Variants in LRRTM4 observed in about 807,000 individuals in gnomAD.
LRRTM4 encodes leucine rich repeat transmembrane neuronal 4, also known as leucine-rich repeat transmembrane neuronal protein 4.
A neutral mutation model predicts 47.6 loss-of-function variants in LRRTM4; 25 were observed. The ratio of observed to expected loss-of-function variants is 0.53; its 90% CI spans 0.38 to 0.73. The LOEUF (loss-of-function observed/expected upper bound fraction) is 0.73. LRRTM4 is among the 30% of genes least tolerant of loss of function. The probability of loss-of-function intolerance (pLI) is 0.00; values close to 1 mark genes in which losing one functional copy is unlikely to be tolerated. For synonymous variants in LRRTM4, 311 were observed against 269.5 expected (o/e 1.15, Z -1.51); for missense variants, 638 against 713.4 (o/e 0.89, Z 1.20).
At chr2:77,177,772 C>T (rs1043809574) in intron 3 of LRRTM4, among the ~76,000 whole-genome samples, 1 of 152,200 alleles carries the variant, frequency 6.6e-6, no homozygotes, top group East Asian at 1.9e-4. Flanking sequence ...GCTAAATTAG[C>T]TGCAACACTT....
intron 3 of LRRTM4, among the ~76,000 whole-genome samples, chr2:77,224,783 C>T (rs71420993): frequency 0.057 from 8,645 of 152,132 alleles, 309 homozygotes; most frequent in Non-Finnish European, 0.09. Flanking sequence ...ACTAGTTCAA[C>T]CATTGTGGAA....
intron 3 of LRRTM4, among the ~76,000 whole-genome samples, chr2:76,771,355 G>A (rs1365677878): frequency 2.6e-5 from 4 of 152,100 alleles, no homozygotes; most frequent in Non-Finnish European, 4.4e-5. Flanking sequence ...ATAGAAGAAA[G>A]AAAACAATGG....
chr2:77,397,171 A>T (rs913667182), intron 3 of LRRTM4, among the ~76,000 whole-genome samples: 1 of 151,910 alleles, frequency 6.6e-6, no homozygotes, highest in Non-Finnish European at 1.5e-5. Context: ...ATGTGATACC[A>T]AGATCAAAAT....
At chr2:76,840,867 C>T (rs970549678) in intron 3 of LRRTM4, among the ~76,000 whole-genome samples, 2 of 151,852 alleles carry the variant, frequency 1.3e-5, no homozygotes, top group African/African-American at 2.4e-5. Context: ...GTCAGTGTGG[C>T]GATTCCTCAG....
intron 3 of LRRTM4, among the ~76,000 whole-genome samples, chr2:77,208,678 G>GA (rs1674209313): frequency 6.6e-6 from 1 of 152,102 alleles, no homozygotes; most frequent in Non-Finnish European, 1.5e-5. Flanking sequence ...GGGACTTGGG[G>GA]AAAATGACTG....
At chr2:77,473,646 G>C (rs1677274171) in intron 3 of LRRTM4, among the ~76,000 whole-genome samples, 1 of 152,080 alleles carries the variant, frequency 6.6e-6, no homozygotes, top group Non-Finnish European at 1.5e-5. Context: ...GGCCTTCTGA[G>C]CTGTCACATT....
At chr2:76,930,397 G>A (rs1674732482) in intron 3 of LRRTM4, among the ~76,000 whole-genome samples, 1 of 152,180 alleles carries the variant, frequency 6.6e-6, no homozygotes, top group East Asian at 1.9e-4. Flanking sequence ...TAGTAAACGT[G>A]TCTGTGCTAT....
At chr2:77,453,176 A>ATTTTTTTTTTTTTT (rs1162461607) in intron 3 of LRRTM4, among the ~76,000 whole-genome samples, 10 of 99,504 alleles carry the variant, frequency 1.0e-4, no homozygotes, top group Non-Finnish European at 1.8e-4. Flanking sequence ...TTTCTTCTTG[A>ATTTTTTTTTTTTTT]TTTTTTTTTT....
intron 3 of LRRTM4, among the ~76,000 whole-genome samples, chr2:77,286,448 T>C (rs1676662026): frequency 6.6e-6 from 1 of 151,878 alleles, no homozygotes; most frequent in East Asian, 1.9e-4. Flanking sequence ...CTTTTAAAAA[T>C]TCATAAAACT....
chr2:77,347,593 T>A (rs1305464463), intron 3 of LRRTM4, among the ~76,000 whole-genome samples: 2 of 152,132 alleles, frequency 1.3e-5, no homozygotes, highest in Non-Finnish European at 2.9e-5. Flanking sequence ...TTGTGTTTTT[T>A]AAATAAATCA....
At chr2:77,182,188 T>C (rs1252064520) in intron 3 of LRRTM4, among the ~76,000 whole-genome samples, 2 of 152,148 alleles carry the variant, frequency 1.3e-5, no homozygotes, top group African/African-American at 2.4e-5. Flanking sequence ...CCATCAATGA[T>C]AGACTGGATA....
chr2:76,885,059 T>A (rs1673031440), intron 3 of LRRTM4, among the ~76,000 whole-genome samples: 1 of 152,022 alleles, frequency 6.6e-6, no homozygotes, highest in Non-Finnish European at 1.5e-5. Flanking sequence ...TAATAAATAT[T>A]CCAAAATGTT....
intron 3 of LRRTM4, among the ~76,000 whole-genome samples, chr2:77,256,231 A>G (rs1675761737): frequency 6.6e-6 from 1 of 152,168 alleles, no homozygotes; most frequent in Non-Finnish European, 1.5e-5. Context: ...AATTTGAAAT[A>G]GAGAGTGTAA....
chr2:77,249,683 T>A (rs1476032212), intron 3 of LRRTM4, among the ~76,000 whole-genome samples: 1 of 152,196 alleles, frequency 6.6e-6, no homozygotes, highest in Non-Finnish European at 1.5e-5. Flanking sequence ...CTGGCAGGAA[T>A]GTGGTGGAAC....
At chr2:77,428,164 C>T (rs561545562) in intron 3 of LRRTM4, among the ~76,000 whole-genome samples, 2 of 152,262 alleles carry the variant, frequency 1.3e-5, no homozygotes, top group East Asian at 3.9e-4. Context: ...TTGTAAGTTT[C>T]CTGAGGCCTC....
intron 3 of LRRTM4, among the ~76,000 whole-genome samples, chr2:76,864,943 C>T (rs1197980626): frequency 2.0e-5 from 3 of 150,768 alleles, no homozygotes; most frequent in Admixed American, 6.6e-5. Flanking sequence ...CACTATGTTG[C>T]CCAGGCTGGT....
intron 3 of LRRTM4, among the ~76,000 whole-genome samples, chr2:77,436,814 A>G (rs965163372): frequency 1.1e-4 from 17 of 152,126 alleles, no homozygotes; most frequent in African/African-American, 4.1e-4. Context: ...TTTTATTGGT[A>G]TAGACAAATC....
At chr2:77,036,622 G>T (rs1010450907) in intron 3 of LRRTM4, among the ~76,000 whole-genome samples, 2 of 151,462 alleles carry the variant, frequency 1.3e-5, no homozygotes, top group African/African-American at 4.8e-5. Flanking sequence ...AAAATATTAC[G>T]TATTCTGTGG....
At chr2:77,320,835 T>G (rs957707563) in intron 3 of LRRTM4, among the ~76,000 whole-genome samples, 1 of 152,156 alleles carries the variant, frequency 6.6e-6, no homozygotes, top group South Asian at 2.1e-4. Flanking sequence ...TAATGGGAGT[T>G]ATATTACTCC....
Sources: allele counts gnomAD v4.1 joint callset (sites outside exome capture counted in the v4.1 genomes callset), GRCh38; gene constraint gnomAD v4.1.1; transcripts MANE v1.5; gene names NCBI Gene and HGNC (gene_info 2026-07-23, HGNC 2026-07-21).